TXNL4A: variants seen among roughly 807,000 people sequenced by gnomAD.
The protein encoded by TXNL4A is thioredoxin-like protein 4A.
In TXNL4A, 17 loss-of-function variants were observed where a neutral mutation model predicts 14.6. The observed-to-expected ratio is 1.16, with a 90% CI of 0.80 to 1.74. The LOEUF (loss-of-function observed/expected upper bound fraction) is 1.74. Among genes scored for constraint, TXNL4A ranks in the 40% most tolerant of loss-of-function variants. TXNL4A has a pLI of 0.00. For missense variants in TXNL4A, 74 were observed against 195.2 expected (o/e 0.38, Z 3.70); for synonymous variants, 83 against 70.6 (o/e 1.18, Z -0.88).
At chr18:79,981,143 C>T (rs2051457419) in intron 1 of TXNL4A, among the ~76,000 whole-genome samples, 1 of 152,184 alleles carries the variant, frequency 6.6e-6, no homozygotes, top group Admixed American at 6.5e-5. Context: ...CATTATTCTC[C>T]CTTCAATGCC....
intron 1 of TXNL4A, among the ~76,000 whole-genome samples, chr18:80,016,841 T>C (rs1202448800): frequency 4.7e-5 from 7 of 149,988 alleles, no homozygotes; most frequent in East Asian, 2.0e-4. Context: ...GACTTGGCGA[T>C]GCGGGCTCTT....
In TXNL4A at chr18:80,011,262, T is replaced by C. The variant is rs552151525; in HGVS notation, c.-61+22589A>G. Among the ~76,000 whole-genome samples the C allele has an allele frequency of 1.7e-3, 266 of 152,310 alleles. No homozygotes were observed. Among genetic ancestry groups the C allele is most frequent in the African/African-American group, 5.8e-3 (243 of 41,550 alleles). ...TTATTAAAAAGGGATTGTAGCCAAC[T>C]GGGACGGGAGTTTGCATTTTCCCTT... On this transcript the variant is annotated intron_variant, in intron 1 of 2. Coordinates refer to the TXNL4A transcript ENST00000585474. This position sits in a 1 kb window ranked among gnomAD's most constrained non-coding sequence, Gnocchi z 4.1.
chr18:79,989,065 G>C (rs1386039410), upstream of TXNL4A, among the ~76,000 whole-genome samples: 3 of 152,206 alleles, frequency 2.0e-5, no homozygotes, highest in African/African-American at 7.2e-5. Flanking sequence ...CCGTCCTTGA[G>C]GAATGTCACC....
chr18:79,973,391 G>A lies in TXNL4A; in HGVS notation c.*294C>T. On this transcript the variant is annotated 3_prime_UTR_variant, in exon 3 of 3. Transcript: ENST00000269601. ...CAGCCCCAGCAAACCAACCCAGTATGCAAAACGCACAGGCTCACAGGATAA... is the reference window on the plus strand; with the variant it reads ...CAGCCCCAGCAAACCAACCCAGTATACAAAACGCACAGGCTCACAGGATAA... The A allele has an allele frequency of 3.3e-6, 1 of 302,016 alleles. No individual in the cohort carries two copies. The highest frequency in any genetic ancestry group is 2.2e-5 in the African/African-American group (1 of 46,414). The allele number at this position is 302,016 out of a possible 1,614,324, so 18.7% of individuals were successfully genotyped here. A position where few individuals can be genotyped will look rare whatever the true frequency, so the allele number is the denominator to read the frequency against.
chr18:79,991,065 A>G (rs1033489713), upstream of TXNL4A, among the ~76,000 whole-genome samples: 4 of 145,918 alleles, frequency 2.7e-5, no homozygotes, highest in Non-Finnish European at 5.9e-5. Context: ...CCGAGATTGT[A>G]CCACTGCACT....
chr18:80,020,875 A>C (rs2051844241), intron 1 of TXNL4A, among the ~76,000 whole-genome samples: 1 of 150,272 alleles, frequency 6.7e-6, no homozygotes, highest in Non-Finnish European at 1.5e-5. Flanking sequence ...CTTCTCACCT[A>C]ATGTTTTGGT....
chr18:79,974,186 G>A (rs892484037), intron 2 of TXNL4A, among the ~76,000 whole-genome samples: 1 of 152,188 alleles, frequency 6.6e-6, no homozygotes, highest in Non-Finnish European at 1.5e-5. Flanking sequence ...GCTGAGGCAG[G>A]AGGATCACTT....
At chr18:79,988,696 C>T (rs573701809), upstream of TXNL4A, 2 of 222,210 alleles carry the variant, frequency 9.0e-6, no homozygotes, top group Non-Finnish European at 1.8e-5. Context: ...GACCTGGGCA[C>T]CGTGGAGCGC....
intron 1 of TXNL4A, among the ~76,000 whole-genome samples, chr18:80,023,922 G>A (rs763907434): frequency 1.1e-4 from 16 of 152,150 alleles, no homozygotes; most frequent in African/African-American, 2.2e-4. Context: ...TCCTGGGCAC[G>A]TCCTTAACTT....
chr18:80,002,225 A>T (rs557466169), intron 1 of TXNL4A, among the ~76,000 whole-genome samples: 2 of 152,196 alleles, frequency 1.3e-5, no homozygotes, highest in African/African-American at 4.8e-5. Flanking sequence ...CAAACAGTAC[A>T]GATTTCAACA....
chr18:79,995,094 G>A (rs956957557), intron 1 of TXNL4A: 2 of 152,240 alleles, frequency 1.3e-5, no homozygotes, highest in Non-Finnish European at 2.9e-5. Context: ...CCTGGTTAAT[G>A]GCTGAGTTGC....
At chr18:80,019,951 T>C (rs949073850) in intron 1 of TXNL4A, among the ~76,000 whole-genome samples, 2 of 152,160 alleles carry the variant, frequency 1.3e-5, no homozygotes, top group Non-Finnish European at 2.9e-5. Context: ...AAGATAGTGA[T>C]ATGGTTTGGC....
chr18:79,984,684 T>C (rs1226752549), intron 1 of TXNL4A, among the ~76,000 whole-genome samples: 3 of 152,172 alleles, frequency 2.0e-5, no homozygotes, highest in African/African-American at 4.8e-5. Context: ...GGCACGATGA[T>C]AGCTTACTGC....
intron 2 of TXNL4A, among the ~76,000 whole-genome samples, chr18:79,975,267 C>T (rs1835707018): frequency 6.6e-6 from 1 of 152,236 alleles, no homozygotes; most frequent in African/African-American, 2.4e-5. Flanking sequence ...TCTTATCTGA[C>T]ATTAGGCTCC....
upstream of TXNL4A, among the ~76,000 whole-genome samples, chr18:79,990,067 A>C (rs577344430): frequency 1.3e-5 from 2 of 152,326 alleles, no homozygotes; most frequent in African/African-American, 2.4e-5. Context: ...TGAGAACTAC[A>C]GTCTGAAGAG....
rs151258528 is a variant in TXNL4A at position 80,005,850 on chromosome 18, T to C, written c.-61+28001A>G. Among the ~76,000 whole-genome samples, 1,297 of 151,632 alleles carry C rather than the reference T, an allele frequency of 8.6e-3. 18 individuals are homozygous for C. Among genetic ancestry groups the C allele is most frequent in the South Asian group, 0.028 (133 of 4,780 alleles). Reference sequence around the variant, plus strand: ...AATTGCTTGAACCGCGAGGCAGAGGTTGCAGTTAGCTGAGATCGCACCACT... The same window carrying C: ...AATTGCTTGAACCGCGAGGCAGAGGCTGCAGTTAGCTGAGATCGCACCACT... On this transcript the variant is annotated intron_variant, in intron 1 of 2. Coordinates refer to the TXNL4A transcript ENST00000585474.
intron 1 of TXNL4A, among the ~76,000 whole-genome samples, chr18:80,016,724 C>G (rs1321267863): frequency 1.3e-5 from 2 of 151,390 alleles, no homozygotes; most frequent in African/African-American, 4.8e-5. Flanking sequence ...TGATCTATAT[C>G]TCTGTTTTGG....
chr18:80,024,226 C>A (rs2145127898), intron 1 of TXNL4A, among the ~76,000 whole-genome samples: 1 of 151,998 alleles, frequency 6.6e-6, no homozygotes, highest in East Asian at 1.9e-4. Flanking sequence ...AGTTTTTCCA[C>A]TGGCTTCCAT....
intron 1 of TXNL4A, among the ~76,000 whole-genome samples, chr18:79,984,826 A>G (rs1468267082): frequency 1.3e-5 from 2 of 152,184 alleles, no homozygotes; most frequent in Admixed American, 6.5e-5. Context: ...ACAAAAAATA[A>G]ACGTCCCATT....
Sources: allele counts gnomAD v4.1 joint callset (sites outside exome capture counted in the v4.1 genomes callset), GRCh38; gene constraint gnomAD v4.1.1; non-coding constraint Gnocchi (gnomAD v3.1); transcripts MANE v1.5; gene names NCBI Gene and HGNC (gene_info 2026-07-23, HGNC 2026-07-21).